The following PTPRD variants were observed in gnomAD, a reference collection of about 807,000 sequenced individuals.
PTPRD encodes the protein protein tyrosine phosphatase receptor type D.
PTPRD carries 34 observed loss-of-function variants against 214.5 expected under a neutral mutation model. The ratio of observed to expected loss-of-function variants is 0.16; its 90% confidence interval spans 0.12 to 0.21. The LOEUF is 0.21. Ranked by LOEUF, PTPRD falls within the 10% of genes least tolerant of loss-of-function variation. The pLI is 1.00. For missense variants in PTPRD, 2,545 were observed against 2,398.7 expected (o/e 1.06, Z -1.27); for synonymous variants, 1,128 against 845.7 (o/e 1.33, Z -5.79).
intron 7 of PTPRD, among the ~76,000 whole-genome samples, chr9:9,599,282 A>G (rs1385698920): frequency 6.6e-6 from 1 of 152,070 alleles, no homozygotes; most frequent in Non-Finnish European, 1.5e-5. Context: ...CGTTAGGAAT[A>G]TAGGGAGACT....
chr9:10,257,254 T>C (rs1477133341), intron 3 of PTPRD, among the ~76,000 whole-genome samples: 1 of 152,214 alleles, frequency 6.6e-6, no homozygotes, highest in Non-Finnish European at 1.5e-5. Context: ...CTATATCTGG[T>C]CCTAAACAAT....
At chr9:9,243,232 T>C (rs1433946097) in intron 9 of PTPRD, among the ~76,000 whole-genome samples, 1 of 152,108 alleles carries the variant, frequency 6.6e-6, no homozygotes, top group Non-Finnish European at 1.5e-5. Flanking sequence ...GCTGCTACCA[T>C]TCCTTCTGAA....
chr9:8,594,347 A>G (rs2154267723), intron 14 of PTPRD, among the ~76,000 whole-genome samples: 1 of 152,338 alleles, frequency 6.6e-6, no homozygotes, highest in South Asian at 2.1e-4. Flanking sequence ...CAAATGGAAA[A>G]GTTTACTTTA....
intron 3 of PTPRD, among the ~76,000 whole-genome samples, chr9:10,279,836 T>C (rs2094987717): frequency 6.6e-6 from 1 of 152,168 alleles, no homozygotes; most frequent in African/African-American, 2.4e-5. Flanking sequence ...GAATTGATAC[T>C]TTCATCATTA....
At position 8,683,767 on chromosome 9, in the gene PTPRD, G is replaced by A. The variant is rs79537386; in HGVS notation, c.65-46923C>T. Reference sequence around the variant, plus strand: ...ATGTGAGTTCCCAGCTAAGTCGCAAGGAGACACGGCTTCTGCCGACTCTCC... The same window carrying A: ...ATGTGAGTTCCCAGCTAAGTCGCAAAGAGACACGGCTTCTGCCGACTCTCC... On this transcript the variant is annotated intron_variant, in intron 12 of 45. Coordinates refer to ENST00000381196, the MANE Select transcript of PTPRD (RefSeq NM_002839.4). 1.5e-3 allele frequency among the ~76,000 whole-genome samples: 231 copies of A among 152,318 alleles called. 1 individual carries two copies. The highest frequency in any genetic ancestry group is 0.015 in the East Asian group (78 of 5,174).
chr9:8,343,553 C>A (rs905325441), intron 39 of PTPRD, among the ~76,000 whole-genome samples: 1 of 151,956 alleles, frequency 6.6e-6, no homozygotes, highest in African/African-American at 2.4e-5. Context: ...TCTAAAGAAA[C>A]CTGTTAGATG....
chr9:10,117,848 A>T (rs1001802073), intron 3 of PTPRD, among the ~76,000 whole-genome samples: 1 of 152,032 alleles, frequency 6.6e-6, no homozygotes, highest in African/African-American at 2.4e-5. Flanking sequence ...GTCTCCAGAG[A>T]AGATTTATGC....
At chr9:9,646,953 G>C (rs149452802) in intron 7 of PTPRD, among the ~76,000 whole-genome samples, 1 of 152,250 alleles carries the variant, frequency 6.6e-6, no homozygotes, top group Non-Finnish European at 1.5e-5. Context: ...TGGATAAGCT[G>C]GGGAGGTGCA....
At chr9:9,180,385 G>A (rs764251526) in intron 10 of PTPRD, among the ~76,000 whole-genome samples, 20 of 146,512 alleles carry the variant, frequency 1.4e-4, no homozygotes, top group Non-Finnish European at 2.4e-4. Flanking sequence ...CTCGTAGGTG[G>A]GAACTGAACA....
Position 8,765,062 on chromosome 9 carries a change from C to G in PTPRD, c.-103-31116G>C, listed in dbSNP as rs187753053. ...TGTGTGATTATGATAAAATGATTATCTAGCTTCCTTTCAGGGCCAGGAAGT... is the reference window on the plus strand; with the variant it reads ...TGTGTGATTATGATAAAATGATTATGTAGCTTCCTTTCAGGGCCAGGAAGT... On this transcript the variant is annotated intron_variant, in intron 11 of 45. Transcript: ENST00000381196. Among the ~76,000 whole-genome samples, 324 of 152,216 alleles carry G rather than the reference C, an allele frequency of 2.1e-3. 2 individuals are homozygous for G. Among genetic ancestry groups the G allele is most frequent in the African/African-American group, 7.3e-3 (304 of 41,544 alleles).
At chr9:9,341,770 A>T (rs2046895613) in intron 9 of PTPRD, among the ~76,000 whole-genome samples, 1 of 152,014 alleles carries the variant, frequency 6.6e-6, no homozygotes, top group Non-Finnish European at 1.5e-5. Flanking sequence ...TGTAGACTGA[A>T]AGAATTCTCA....
intron 7 of PTPRD, among the ~76,000 whole-genome samples, chr9:9,693,285 G>C (rs2803372): frequency 0.58 from 88,327 of 151,330 alleles, 25,954 homozygotes; most frequent in East Asian, 0.66. Context: ...GGTGAGAAGT[G>C]ACTGGGTTAG....
intron 2 of PTPRD, among the ~76,000 whole-genome samples, chr9:10,529,898 C>T (rs10217583): frequency 0.26 from 38,689 of 151,326 alleles, 5,416 homozygotes; most frequent in Non-Finnish European, 0.32. Flanking sequence ...ACACTGGGGC[C>T]TGTCTTGGGG....
chr9:10,068,785 G>A (rs756027766), intron 3 of PTPRD, among the ~76,000 whole-genome samples: 3 of 151,832 alleles, frequency 2.0e-5, no homozygotes, highest in African/African-American at 7.2e-5. Flanking sequence ...ATGCCAAGAA[G>A]AATGAGCACA....
intron 12 of PTPRD, among the ~76,000 whole-genome samples, chr9:8,706,941 C>T (rs958003495): frequency 1.3e-5 from 2 of 152,000 alleles, no homozygotes; most frequent in Non-Finnish European, 2.9e-5. Flanking sequence ...AATGAAGAGG[C>T]GAATGAAGAA....
intron 44 of PTPRD, among the ~76,000 whole-genome samples, chr9:8,320,950 G>C (rs186894416): frequency 6.6e-6 from 1 of 152,080 alleles, no homozygotes; most frequent in African/African-American, 2.4e-5. Context: ...ACGGGCTGTA[G>C]AAAATAGATG....
chr9:10,487,544 T>G (rs994613971), intron 2 of PTPRD, among the ~76,000 whole-genome samples: 11 of 152,274 alleles, frequency 7.2e-5, no homozygotes, highest in African/African-American at 2.4e-4. Context: ...TTTAAGCTGA[T>G]AACAACTTCA....
chr9:8,989,533 G>T (rs1025913309), intron 11 of PTPRD, among the ~76,000 whole-genome samples: 16 of 152,016 alleles, frequency 1.1e-4, no homozygotes, highest in African/African-American at 3.1e-4. Flanking sequence ...GAAATGACAA[G>T]ATTTAATTCC....
intron 3 of PTPRD, among the ~76,000 whole-genome samples, chr9:10,257,495 A>G (rs1172059492): frequency 1.3e-5 from 2 of 152,230 alleles, no homozygotes; most frequent in Non-Finnish European, 2.9e-5. Context: ...ATCATATCCA[A>G]TTGATTAGGC....
Sources: gnomAD v4.1 joint callset for allele counts (sites outside exome capture counted in the v4.1 genomes callset) on GRCh38, gnomAD v4.1.1 for gene constraint, MANE v1.5 for transcripts, NCBI Gene and HGNC (gene_info 2026-07-23, HGNC 2026-07-21) for gene names.